Variants in PHLPP2 observed in about 807,000 individuals in gnomAD.
PHLPP2 encodes PH domain and leucine rich repeat protein phosphatase 2, also known as PH domain leucine-rich repeat-containing protein phosphatase 2.
Under a neutral mutation model 124.9 loss-of-function variants are expected in PHLPP2, and 66 were observed. The ratio of observed to expected loss-of-function variants is 0.53; its 90% CI spans 0.43 to 0.65. The LOEUF is 0.65. Ranked by LOEUF, PHLPP2 falls within the 30% of genes least tolerant of loss-of-function variation. The pLI, the probability that PHLPP2 is intolerant of heterozygous loss-of-function variation, is 0.00. For missense variants in PHLPP2, 1,685 were observed against 1,600.4 expected (o/e 1.05, Z -0.90); for synonymous variants, 681 against 624.7 (o/e 1.09, Z -1.34).
chr16:71,717,584 T>C (rs1205228413), intron 1 of PHLPP2, among the ~76,000 whole-genome samples: 1 of 152,218 alleles, frequency 6.6e-6, no homozygotes, highest in African/African-American at 2.4e-5. Context: ...GTATTTGTAC[T>C]AAGTAATTTT....
chr16:71,659,420 T>C (rs2044770173), intron 13 of PHLPP2, among the ~76,000 whole-genome samples: 1 of 151,942 alleles, frequency 6.6e-6, no homozygotes, highest in African/African-American at 2.4e-5. Flanking sequence ...CCCGGCTAAT[T>C]GTGTATTTTT....
At chr16:71,721,414 T>C (rs1052210818) in intron 1 of PHLPP2, among the ~76,000 whole-genome samples, 7 of 152,066 alleles carry the variant, frequency 4.6e-5, no homozygotes, top group Non-Finnish European at 4.4e-5. Context: ...GGCCAGGAGT[T>C]TGAGATCAAC....
chr16:71,698,946 G>T (rs569199024), intron 3 of PHLPP2, among the ~76,000 whole-genome samples: 1 of 152,014 alleles, frequency 6.6e-6, no homozygotes, highest in South Asian at 2.1e-4. Context: ...TTCGCACTCG[G>T]GCCCTTATGA....
intron 4 of PHLPP2, among the ~76,000 whole-genome samples, chr16:71,687,386 G>C (rs1443215719): frequency 2.6e-5 from 4 of 152,048 alleles, no homozygotes; most frequent in Non-Finnish European, 5.9e-5. Flanking sequence ...TCTTTTGATT[G>C]CTATTTGATG....
At chr16:71,697,444 G>A (rs1001580501) in intron 3 of PHLPP2, among the ~76,000 whole-genome samples, 2 of 152,162 alleles carry the variant, frequency 1.3e-5, no homozygotes, top group Admixed American at 1.3e-4. Flanking sequence ...GAAATGGGCT[G>A]TAGCTAGGCA....
At chr16:71,694,303 A>G (rs1272501637) in intron 3 of PHLPP2, among the ~76,000 whole-genome samples, 1 of 151,888 alleles carries the variant, frequency 6.6e-6, no homozygotes, top group Non-Finnish European at 1.5e-5. Context: ...CTCTACTAAA[A>G]TACAAAAATT....
At chr16:71,675,507 T>G (rs2044937880) in intron 9 of PHLPP2, among the ~76,000 whole-genome samples, 1 of 152,176 alleles carries the variant, frequency 6.6e-6, no homozygotes, top group Admixed American at 6.5e-5. Context: ...ATTGGCAAAC[T>G]TTTTCTGTAA....
intron 3 of PHLPP2, among the ~76,000 whole-genome samples, chr16:71,700,718 G>A (rs1246290390): frequency 6.6e-6 from 1 of 151,678 alleles, no homozygotes; most frequent in Non-Finnish European, 1.5e-5. Context: ...GTAGAGACAG[G>A]GTTTCACTGT....
intron 3 of PHLPP2, 75 bp from the exon 4 acceptor site, chr16:71,690,784 G>T: frequency 2.0e-6 from 2 of 1,022,906 alleles, no homozygotes; most frequent in Non-Finnish European, 2.9e-6. Flanking sequence ...AGAAAGCATT[G>T]TGTGTCAACA....
chr16:71,689,235 G>C (rs999536613), intron 4 of PHLPP2, among the ~76,000 whole-genome samples: 1 of 151,552 alleles, frequency 6.6e-6, no homozygotes, highest in African/African-American at 2.4e-5. Context: ...TTTTTTAAGA[G>C]ACAGGGACTC....
chr16:71,649,059 T>C lies in PHLPP2; in HGVS notation c.3803A>G (p.Tyr1268Cys). 1.9e-6 allele frequency: 3 copies of C among 1,614,076 alleles called. No homozygotes were observed. The highest frequency in any genetic ancestry group is 2.5e-6 in the Non-Finnish European group (3 of 1,180,008). The change falls in exon 19 of 19, where the codon TAT becomes TGT. Residue 1268 changes from tyrosine to cysteine, a missense_variant. Physicochemically the swap from Tyr to Cys is radical, Grantham distance 194. Coordinates refer to ENST00000568954, the MANE Select transcript of PHLPP2 (RefSeq NM_015020.3). ...TTCCATCTGAGTGGGGGCAGCAAAA[T>C]AGCCAGTTTTCCTCTTGGGCACTTC... ...ATEVPKRKTG[Y>C]FAAPTQMEPE...
At chr16:71,663,532 A>G (rs1260271162) in intron 13 of PHLPP2, among the ~76,000 whole-genome samples, 2 of 152,252 alleles carry the variant, frequency 1.3e-5, no homozygotes, top group Non-Finnish European at 2.9e-5. Flanking sequence ...ACATATAGTA[A>G]GCATTCCATT....
In PHLPP2 at chr16:71,646,524, G is replaced by A. The variant is rs2044654364; in HGVS notation, c.*2366C>T. On this transcript the variant is annotated 3_prime_UTR_variant, in exon 19 of 19. Coordinates refer to ENST00000568954, the MANE Select transcript of PHLPP2 (RefSeq NM_015020.3). ...AGGTTGGGAAACGAATAGCAGACAA[G>A]AAGGGTTCACCATAATGAATAATTT... 1 of 152,148 alleles carries A rather than the reference G, an allele frequency of 6.6e-6. No individual in the cohort carries two copies. Among genetic ancestry groups the A allele is most frequent in the Non-Finnish European group, 1.5e-5 (1 of 68,030 alleles). 9.4% of individuals were successfully genotyped at this position (152,148 alleles called of 1,614,324 possible). A position where few individuals can be genotyped will look rare whatever the true frequency, so the allele number is the denominator to read the frequency against.
chr16:71,709,515 G>A (rs1475849557), intron 2 of PHLPP2, among the ~76,000 whole-genome samples: 3 of 152,162 alleles, frequency 2.0e-5, no homozygotes, highest in South Asian at 2.1e-4. Context: ...TCAGCCAAAG[G>A]GCAATCCATT....
intron 2 of PHLPP2, among the ~76,000 whole-genome samples, chr16:71,712,507 A>G (rs2045330506): frequency 6.6e-6 from 1 of 152,240 alleles, no homozygotes. Flanking sequence ...TGAATACACC[A>G]TATACTTAAA....
intron 8 of PHLPP2, chr16:71,678,554 C>T (rs1216797354): frequency 2.1e-5 from 11 of 530,606 alleles, no homozygotes; most frequent in African/African-American, 1.3e-4. Flanking sequence ...GTGGGAGAAT[C>T]GCCTGAGAAC....
intron 3 of PHLPP2, among the ~76,000 whole-genome samples, chr16:71,698,404 A>G (rs898674308): frequency 1.3e-5 from 2 of 152,278 alleles, no homozygotes; most frequent in Middle Eastern, 3.4e-3. Context: ...GGCCTCAATC[A>G]TGTGCTCCTT....
chr16:71,665,279 C>T (rs567996247), intron 12 of PHLPP2, among the ~76,000 whole-genome samples: 1 of 152,272 alleles, frequency 6.6e-6, no homozygotes, highest in East Asian at 1.9e-4. Flanking sequence ...CACCGCACTC[C>T]AGCCTGGCGA....
intron 13 of PHLPP2, 26 bp from the exon 14 acceptor site, chr16:71,658,841 T>C (rs1284835087): frequency 4.3e-6 from 7 of 1,609,264 alleles, no homozygotes; most frequent in East Asian, 2.2e-5. Context: ...CAGAATACTA[T>C]AATGCACCAA....
Sources: allele counts gnomAD v4.1 joint callset (sites outside exome capture counted in the v4.1 genomes callset), GRCh38; gene constraint gnomAD v4.1.1; transcripts MANE v1.5; gene names NCBI Gene and HGNC (gene_info 2026-07-23, HGNC 2026-07-21).